Variants in C9 observed in about 807,000 individuals in gnomAD.
The protein encoded by C9 is complement C9.
In C9, 63 loss-of-function variants were observed where a neutral mutation model predicts 65.4. That is an observed-to-expected ratio of 0.96 (90% CI 0.79 to 1.19). The LOEUF is 1.19. C9 is among the 50% of genes most tolerant of loss of function. The pLI is 0.00. For synonymous variants in C9, 229 were observed against 227.9 expected (o/e 1.00, Z -0.04); for missense variants, 744 against 670.1 (o/e 1.11, Z -1.22).
intron 6 of C9, among the ~76,000 whole-genome samples, chr5:39,315,082 C>G (rs1476391477): frequency 6.6e-6 from 1 of 152,036 alleles, no homozygotes; most frequent in East Asian, 1.9e-4. Flanking sequence ...AATGTACAGA[C>G]CCATACAAAA....
chr5:39,315,024 A>G (rs186424168), intron 6 of C9, among the ~76,000 whole-genome samples: 1 of 152,336 alleles, frequency 6.6e-6, no homozygotes, highest in East Asian at 1.9e-4. Context: ...TGATTTAAAG[A>G]ATTTTCCACC....
intron 9 of C9, among the ~76,000 whole-genome samples, chr5:39,291,131 G>C (rs564559388): frequency 1.3e-5 from 2 of 151,968 alleles, no homozygotes; most frequent in South Asian, 4.1e-4. Context: ...AGCTATGGTG[G>C]CTGCCAATGT....
chr5:39,342,406 C>T (rs1289166327), intron 1 of C9, among the ~76,000 whole-genome samples: 1 of 152,090 alleles, frequency 6.6e-6, no homozygotes, highest in African/African-American at 2.4e-5. Flanking sequence ...TGTAAGTTAA[C>T]TTTTAACTTC....
chr5:39,300,286 C>T (rs1015467380), intron 9 of C9, among the ~76,000 whole-genome samples: 2 of 152,038 alleles, frequency 1.3e-5, no homozygotes, highest in Non-Finnish European at 2.9e-5. Flanking sequence ...GTGGCAAGCA[C>T]CTGTAATTCC....
chr5:39,359,011 ATAAAAAAT>A (rs1466415461), intron 1 of C9, among the ~76,000 whole-genome samples: 1 of 32,000 alleles, frequency 3.1e-5, no homozygotes, highest in African/African-American at 1.8e-4. Flanking sequence ...AAATAAATAA[ATAAAAAAT>A]ATATATATAT....
chr5:39,330,554 G>A (rs1214797293), intron 5 of C9, among the ~76,000 whole-genome samples: 1 of 152,180 alleles, frequency 6.6e-6, no homozygotes, highest in African/African-American at 2.4e-5. Context: ...TGACCAAGGT[G>A]ACCATGTTTG....
intron 1 of C9, among the ~76,000 whole-genome samples, chr5:39,358,702 C>T (rs1464370325): frequency 2.0e-5 from 3 of 151,964 alleles, no homozygotes; most frequent in African/African-American, 7.2e-5. Flanking sequence ...AAGATAGTAC[C>T]GGGCCGGGCG....
At chr5:39,319,454 T>C (rs78821029) in intron 5 of C9, among the ~76,000 whole-genome samples, 4,483 of 152,138 alleles carry the variant, frequency 0.029, 204 homozygotes, top group African/African-American at 0.1. Context: ...GAGGCTGGTC[T>C]CTGTAGCCCT....
At chr5:39,300,543 C>A (rs561881124) in intron 9 of C9, among the ~76,000 whole-genome samples, 127 of 151,898 alleles carry the variant, frequency 8.4e-4, no homozygotes, top group African/African-American at 3.0e-3. Context: ...GAAAAAAAGA[C>A]TGGAGAATGT....
At chr5:39,337,454 A>G (rs1011879078) in intron 4 of C9, among the ~76,000 whole-genome samples, 7 of 152,190 alleles carry the variant, frequency 4.6e-5, no homozygotes, top group African/African-American at 1.7e-4. Context: ...GAATAAGCCA[A>G]TTTTTTCTGC....
At chr5:39,305,298 G>T (rs139490812) in intron 9 of C9, among the ~76,000 whole-genome samples, 1 of 151,970 alleles carries the variant, frequency 6.6e-6, no homozygotes, top group Admixed American at 6.6e-5. Context: ...TCTATGAACG[G>T]CTGTATTTCT....
chr5:39,350,759 C>T (rs1198288285), intron 1 of C9, among the ~76,000 whole-genome samples: 1 of 152,210 alleles, frequency 6.6e-6, no homozygotes, highest in East Asian at 1.9e-4. Flanking sequence ...TGTATAGACC[C>T]TGCAGCTGCT....
At chr5:39,316,959 C>G (rs1431230914) in intron 5 of C9, among the ~76,000 whole-genome samples, 1 of 152,196 alleles carries the variant, frequency 6.6e-6, no homozygotes, top group African/African-American at 2.4e-5. Context: ...TTTACACACC[C>G]ACCAACACTG....
intron 9 of C9, among the ~76,000 whole-genome samples, chr5:39,289,441 G>GAT (rs1554047948): frequency 6.7e-6 from 1 of 148,428 alleles, no homozygotes; most frequent in East Asian, 2.0e-4. Context: ...TTTCTTTCTT[G>GAT]TTTTTTTTTT....
chr5:39,358,437 G>A (rs1449998482), intron 1 of C9, among the ~76,000 whole-genome samples: 2 of 152,180 alleles, frequency 1.3e-5, no homozygotes, highest in East Asian at 3.9e-4. Flanking sequence ...GAACAGGGAA[G>A]GGTGCAGCTC....
intron 9 of C9, among the ~76,000 whole-genome samples, chr5:39,304,474 A>G (rs1753339093): frequency 6.6e-6 from 1 of 152,150 alleles, no homozygotes; most frequent in Non-Finnish European, 1.5e-5. Flanking sequence ...CTACAAGTTA[A>G]CCAGAGGTCC....
chr5:39,320,703 T>C (rs562275368), intron 5 of C9, among the ~76,000 whole-genome samples: 12 of 151,700 alleles, frequency 7.9e-5, no homozygotes, highest in Non-Finnish European at 1.8e-4. Context: ...ATAGACTATA[T>C]ATGAAGAGAT....
chr5:39,286,305 A>G lies in C9; in HGVS notation c.1646-1072T>C, dbSNP rs1752990190. On this transcript the variant is annotated intron_variant, in intron 10 of 10. Coordinates refer to ENST00000263408, the MANE Select transcript of C9 (RefSeq NM_001737.5). ...AAAACTAAGCCTGTAATAAAAAATC[A>G]CTAAGTACTGAAGAAAGCATAATAT... Among the ~76,000 whole-genome samples, 3 of 152,222 alleles carry G rather than the reference A, an allele frequency of 2.0e-5. No homozygotes were observed. In the South Asian group the frequency reaches 6.2e-4, roughly 32 times the overall value.
At chr5:39,359,169 C>T (rs1029837073) in intron 1 of C9, among the ~76,000 whole-genome samples, 24 of 145,538 alleles carry the variant, frequency 1.6e-4, no homozygotes, top group Admixed American at 1.3e-3. Flanking sequence ...GTGGGAATGA[C>T]ACACGTAGAG....
Sources: gnomAD v4.1 joint callset for allele counts (sites outside exome capture counted in the v4.1 genomes callset) on GRCh38, gnomAD v4.1.1 for gene constraint, MANE v1.5 for transcripts, NCBI Gene and HGNC (gene_info 2026-07-23, HGNC 2026-07-21) for gene names.